The following NDUFA10 variants were observed in gnomAD, a reference collection of about 807,000 sequenced individuals.
The protein encoded by NDUFA10 is NADH:ubiquinone oxidoreductase subunit A10, also known as NADH dehydrogenase [ubiquinone] 1 alpha subcomplex subunit 10, mitochondrial.
NDUFA10 carries 40 observed loss-of-function variants against 47.8 expected under a neutral mutation model. The ratio of observed to expected loss-of-function variants is 0.84; its 90% confidence interval spans 0.65 to 1.09. NDUFA10 has a LOEUF of 1.09. Among genes scored for constraint, NDUFA10 ranks in the 50% least tolerant of loss-of-function variants. The pLI, the probability that NDUFA10 is intolerant of heterozygous loss-of-function variation, is 0.00. For missense variants in NDUFA10, 413 were observed against 451.1 expected, an observed-to-expected ratio of 0.92 and a Z score of 0.76; for synonymous variants, 183 against 172.2, an observed-to-expected ratio of 1.06 and a Z score of -0.49.
At chr2:239,938,144 T>C (rs1023666477) in intron 4 of NDUFA10, among the ~76,000 whole-genome samples, 5 of 152,132 alleles carry the variant, frequency 3.3e-5, no homozygotes, top group Non-Finnish European at 7.4e-5. Flanking sequence ...CAGTCCCCAC[T>C]TCTCTTCTCG....
intron 5 of NDUFA10, chr2:240,014,387 G>A: frequency 2.8e-6 from 1 of 355,412 alleles, no homozygotes; most frequent in Non-Finnish European, 5.4e-6. Flanking sequence ...GAAAACGATA[G>A]GACACAAAAA....
chr2:239,948,550 G>C lies in NDUFA10; in HGVS notation c.294+41524C>G, dbSNP rs115720135. On this transcript the variant is annotated intron_variant, in intron 4 of 5. Transcript: ENST00000419408. ...GAAAACCCAATGTAAAAAGCAGCAG[G>C]CCTGCCCGAGCAAAGCTGCCAAGGC... Among the ~76,000 whole-genome samples, 1,438 of 152,334 alleles carry C rather than the reference G, an allele frequency of 9.4e-3. 18 individuals are homozygous for C. The highest frequency in any genetic ancestry group is 0.032 in the African/African-American group (1,339 of 41,566).
chr2:239,981,901 TAA>T (rs4149565), intron 9 of NDUFA10, among the ~76,000 whole-genome samples: 4 of 144,620 alleles, frequency 2.8e-5, no homozygotes, highest in Admixed American at 6.9e-5. Flanking sequence ...TTTTCAACAT[TAA>T]AAAAAAAAAA....
In NDUFA10 at chr2:239,958,327, A is replaced by G. The variant is rs1293180864; in HGVS notation, c.*2791T>C. The G allele has an allele frequency of 6.6e-6, 1 of 152,252 alleles. No homozygotes were observed. Among genetic ancestry groups the G allele is most frequent in the African/African-American group, 2.4e-5 (1 of 41,468 alleles). The allele number at this position is 152,252 out of a possible 1,614,324, so 9.4% of individuals were successfully genotyped here. A position where few individuals can be genotyped will look rare whatever the true frequency, so the allele number is the denominator to read the frequency against. Reference sequence around the variant, plus strand: ...ACATTTGCACTGCTAAGAACAGCCAATCCAGAAAGCTATAATTGGTAAGCA... The same window carrying G: ...ACATTTGCACTGCTAAGAACAGCCAGTCCAGAAAGCTATAATTGGTAAGCA... On this transcript the variant is annotated 3_prime_UTR_variant, in exon 10 of 10. Transcript: ENST00000252711.
intron 4 of NDUFA10, among the ~76,000 whole-genome samples, chr2:239,925,840 G>C (rs1026825405): frequency 2.6e-5 from 4 of 152,178 alleles, no homozygotes; most frequent in Non-Finnish European, 5.9e-5. Flanking sequence ...GTTAGAAAAT[G>C]TGCAAAAGAC....
intron 9 of NDUFA10, among the ~76,000 whole-genome samples, chr2:239,978,056 T>C (rs934479624): frequency 3.9e-5 from 6 of 152,020 alleles, no homozygotes; most frequent in African/African-American, 1.4e-4. Flanking sequence ...TCTGATGAGC[T>C]GAGAGGCCTC....
chr2:239,983,049 A>G (rs1695843632), intron 9 of NDUFA10, among the ~76,000 whole-genome samples: 1 of 152,178 alleles, frequency 6.6e-6, no homozygotes, highest in African/African-American at 2.4e-5. Context: ...GCTTCACACA[A>G]GACATTTCAG....
chr2:239,963,910 C>T (rs369504996), intron 9 of NDUFA10, among the ~76,000 whole-genome samples: 11 of 152,154 alleles, frequency 7.2e-5, no homozygotes, highest in African/African-American at 1.7e-4. Context: ...TACGGGGCCT[C>T]GCGTCACGGT....
At position 239,945,055 on chromosome 2, in the gene NDUFA10, T is replaced by C. The variant is rs988770862; in HGVS notation, c.294+45019A>G. On this transcript the variant is annotated intron_variant, in intron 4 of 5. Coordinates refer to the NDUFA10 transcript ENST00000419408. This position sits in a 1 kb window ranked among gnomAD's most constrained non-coding sequence, Gnocchi z 4.6. Reference sequence around the variant, plus strand: ...GGTGCCTCCCCGAGACAGAATTCCATGGTTTTGGTAGCAGACTCCCAGGCA... The same window carrying C: ...GGTGCCTCCCCGAGACAGAATTCCACGGTTTTGGTAGCAGACTCCCAGGCA... Among the ~76,000 whole-genome samples the C allele has an allele frequency of 6.6e-6, 1 of 151,774 alleles. No homozygotes were observed. The highest frequency in any genetic ancestry group is 1.5e-5 in the Non-Finnish European group (1 of 67,936).
At chr2:240,023,456 A>C (rs1026305016) in intron 1 of NDUFA10, among the ~76,000 whole-genome samples, 1 of 152,232 alleles carries the variant, frequency 6.6e-6, no homozygotes, top group African/African-American at 2.4e-5. Context: ...GTACCATCCT[A>C]AACTGCTAAT....
chr2:239,945,778 G>A lies in NDUFA10; in HGVS notation c.294+44296C>T, dbSNP rs181399157. On this transcript the variant is annotated intron_variant, in intron 4 of 5. Transcript: ENST00000419408. The surrounding 1 kb of genome is among the most constrained non-coding windows in gnomAD (Gnocchi z 4.6). Reference sequence around the variant, plus strand: ...GTGCTGCAGCTCAACCAGGCATCACGGCCAAACGTGCAGAGTGGACCACTC... The same window carrying A: ...GTGCTGCAGCTCAACCAGGCATCACAGCCAAACGTGCAGAGTGGACCACTC... 2.6e-5 allele frequency among the ~76,000 whole-genome samples: 4 copies of A among 152,310 alleles called. No individual in the cohort carries two copies. The highest frequency in any genetic ancestry group is 1.9e-4 in the East Asian group (1 of 5,174).
intron 4 of NDUFA10, among the ~76,000 whole-genome samples, chr2:239,904,631 T>G (rs1031307941): frequency 2.0e-5 from 3 of 152,200 alleles, no homozygotes; most frequent in Admixed American, 1.3e-4. Flanking sequence ...CCCTAGAGAC[T>G]GCAGGCCCTG....
In NDUFA10 at chr2:240,011,606, G is replaced by A. The variant is rs200760509; in HGVS notation, c.749+11C>T. 267 of 1,601,832 alleles carry A rather than the reference G, an allele frequency of 1.7e-4. No individual in the cohort carries two copies. The highest frequency in any genetic ancestry group is 2.1e-4 in the Non-Finnish European group (251 of 1,168,898). ...TTTTAGCCCTGTAAATCAGTCGTGT[G>A]TTTGGCTCACCTCATCTCAGGGAGA... On this transcript the variant is annotated intron_variant, in intron 6 of 9. Transcript: ENST00000252711.
rs528756006 is a variant in NDUFA10, at chr2:240,008,860, C to T, written c.750-1490G>A. On this transcript the variant is annotated intron_variant, in intron 6 of 9. Transcript: ENST00000252711. ...GAGAGTCCATTTTCTATCTTCTGTG[C>T]GCCTCCATTCAGCATGCTAACAACC... is the stretch of plus-strand genomic sequence containing the variant. Among the ~76,000 whole-genome samples the T allele has an allele frequency of 3.9e-5, 6 of 152,284 alleles. No homozygotes were observed. In the South Asian group the frequency reaches 6.2e-4, roughly 16 times the overall value.
intron 4 of NDUFA10, among the ~76,000 whole-genome samples, chr2:239,922,290 C>T (rs971431973): frequency 1.3e-5 from 2 of 152,176 alleles, no homozygotes; most frequent in African/African-American, 4.8e-5. Flanking sequence ...AGCTGGCCAA[C>T]CCCACAGTCT....
chr2:240,014,803 T>TTG lies in NDUFA10; in HGVS notation c.604_605insCA (p.His202ProfsTer4), dbSNP rs1553573240. The TTG allele has an allele frequency of 1.9e-6, 3 of 1,613,886 alleles. No individual in the cohort carries two copies. Among genetic ancestry groups the TTG allele is most frequent in the Non-Finnish European group, 2.5e-6 (3 of 1,180,002 alleles). Reference sequence around the variant, plus strand: ...GGGCACATCGATGTAAATCACCAGGTGGGGGGGCAGGTAATCGCAGATGGT... The same window carrying TTG: ...GGGCACATCGATGTAAATCACCAGGTTGGGGGGGGCAGGTAATCGCAGATGGT... On this transcript the variant is annotated frameshift_variant, in exon 5 of 10. Transcript: ENST00000252711. LOFTEE classifies it high-confidence loss of function.
intron 4 of NDUFA10, among the ~76,000 whole-genome samples, chr2:239,944,526 G>A (rs79795205): frequency 0.011 from 1,748 of 152,308 alleles, 28 homozygotes; most frequent in African/African-American, 0.04. Context: ...ATTCAGGCCG[G>A]GTCTGGACAA....
At chr2:240,013,078 T>C (rs1475716157) in intron 5 of NDUFA10, 2 of 152,260 alleles carry the variant, frequency 1.3e-5, no homozygotes, top group East Asian at 1.9e-4. Context: ...ACATGCAACA[T>C]AACACAACCA....
Position 240,014,844 on chromosome 2 carries a change from G to A in NDUFA10, c.564C>T (p.Asn188=), listed in dbSNP as rs370901546. 51 of 1,614,070 alleles carry A rather than the reference G, an allele frequency of 3.2e-5. No individual in the cohort carries two copies. Among genetic ancestry groups the A allele is most frequent in the African/African-American group, 1.2e-4 (9 of 74,906 alleles). ...CGCAGATGGTGACGCTCTTCACCTCGTTGTAGTGGTCCACACCTGGCACAT... is the reference window on the plus strand; with the variant it reads ...CGCAGATGGTGACGCTCTTCACCTCATTGTAGTGGTCCACACCTGGCACAT... ...FIRKQCVDHY[N]EVKSVTICDY... The change falls in exon 5 of 10, where the codon AAC becomes AAT. Residue 188 remains asparagine (N), a synonymous_variant. Transcript: ENST00000252711.
Sources: gnomAD v4.1 joint callset for allele counts (sites outside exome capture counted in the v4.1 genomes callset) on GRCh38, gnomAD v4.1.1 for gene constraint, Gnocchi (gnomAD v3.1) non-coding constraint, MANE v1.5 for transcripts, NCBI Gene and HGNC (gene_info 2026-07-23, HGNC 2026-07-21) for gene names.